Variants in ASCC1 observed in about 807,000 individuals in gnomAD.
The protein encoded by ASCC1 is activating signal cointegrator 1 complex subunit 1.
Under a neutral mutation model 46.6 loss-of-function variants are expected in ASCC1, and 35 were observed. That is an observed-to-expected ratio of 0.75 (90% CI 0.57 to 0.99). The LOEUF (loss-of-function observed/expected upper bound fraction) is 0.99, where lower values mean the gene tolerates loss of function less well. Ranked by LOEUF, ASCC1 falls within the 50% of genes least tolerant of loss-of-function variation. The probability of loss-of-function intolerance (pLI) is 0.00; values close to 1 mark genes in which losing one functional copy is unlikely to be tolerated. For missense variants in ASCC1, 376 were observed against 428.7 expected (o/e 0.88, Z 1.09); for synonymous variants, 143 against 146.6 (o/e 0.98, Z 0.18).
intron 9 of ASCC1, among the ~76,000 whole-genome samples, chr10:72,116,879 G>C (rs1843551183): frequency 6.6e-6 from 1 of 152,138 alleles, no homozygotes; most frequent in Non-Finnish European, 1.5e-5. Flanking sequence ...GATCACTTAA[G>C]CTCAGAAGTT....
chr10:72,170,593 C>CAA lies in ASCC1; in HGVS notation c.490-8921_490-8920dup, dbSNP rs1038487604. Among the ~76,000 whole-genome samples the CAA allele has an allele frequency of 7.7e-4, 45 of 58,800 alleles. No homozygotes were observed. In the South Asian group the frequency reaches 0.012, roughly 15 times the overall value. 38.6% of individuals were successfully genotyped at this position (58,800 alleles called of 152,430 possible). On this transcript the variant is annotated intron_variant, in intron 5 of 9. Coordinates refer to ENST00000672957, the MANE Select transcript of ASCC1 (RefSeq NM_001198800.3). ...GTGACAGCAGAGTGAGACTGTATCT[C>CAA]AAAAAAAAAAAAAAAAAAAAGAAAG... is the stretch of plus-strand genomic sequence containing the variant.
chr10:72,181,157 G>A (rs1852555041), intron 5 of ASCC1, among the ~76,000 whole-genome samples: 1 of 152,058 alleles, frequency 6.6e-6, no homozygotes, highest in Non-Finnish European at 1.5e-5. Flanking sequence ...GTGGAGACAG[G>A]GTTTTACCAC....
chr10:72,182,165 C>T (rs1304436254), intron 5 of ASCC1, among the ~76,000 whole-genome samples: 2 of 152,178 alleles, frequency 1.3e-5, no homozygotes, highest in Non-Finnish European at 2.9e-5. Flanking sequence ...TAACAACATA[C>T]AGACCAAAGT....
intron 9 of ASCC1, among the ~76,000 whole-genome samples, chr10:72,119,545 T>C (rs1273538055): frequency 1.3e-5 from 2 of 151,830 alleles, no homozygotes. Context: ...GAAGCATAGG[T>C]GATATTCACA....
At chr10:72,161,501 G>T (rs764273348) in intron 6 of ASCC1, 37 bp downstream of exon 6, 7 of 1,613,806 alleles carry the variant, frequency 4.3e-6, no homozygotes, top group Non-Finnish European at 5.9e-6. Context: ...GCCAGCCCAG[G>T]TAGACCACCC....
At chr10:72,128,765 T>C (rs965346501) in intron 8 of ASCC1, among the ~76,000 whole-genome samples, 1 of 152,126 alleles carries the variant, frequency 6.6e-6, no homozygotes, top group Admixed American at 6.5e-5. Flanking sequence ...TAAGTTAATT[T>C]GGGTTGCATA....
At chr10:72,160,416 T>C (rs1050363765) in intron 6 of ASCC1, among the ~76,000 whole-genome samples, 1 of 152,148 alleles carries the variant, frequency 6.6e-6, no homozygotes, top group Non-Finnish European at 1.5e-5. Flanking sequence ...TAAAGGGAAA[T>C]AGGGGAAGAT....
chr10:72,199,768 C>G (rs1856229744), intron 4 of ASCC1, among the ~76,000 whole-genome samples: 1 of 152,124 alleles, frequency 6.6e-6, no homozygotes, highest in African/African-American at 2.4e-5. Flanking sequence ...CAGTCTCGCT[C>G]TGTCACCCAG....
intron 8 of ASCC1, among the ~76,000 whole-genome samples, chr10:72,130,894 A>T (rs186761507): frequency 1.8e-4 from 27 of 152,302 alleles, no homozygotes; most frequent in African/African-American, 6.0e-4. Context: ...TTCTGAAACA[A>T]TAAATTTAGA....
In ASCC1 at chr10:72,216,248, GGA is replaced by G. The variant is rs1859284810; in HGVS notation, c.-77_-76del. On this transcript the variant is annotated 5_prime_UTR_variant, in exon 1 of 10. Transcript: ENST00000672957. ...AATGGAGAAGGTAGGAGGAGAAACA[GGA>G]GACTGCTGCAGCAGACGTGCGATAG... 1 of 157,806 alleles carries G rather than the reference GGA, an allele frequency of 6.3e-6. No homozygotes were observed. The highest frequency in any genetic ancestry group is 1.4e-5 in the Non-Finnish European group (1 of 71,216). The allele number at this position is 157,806 out of a possible 1,614,324, so 9.8% of individuals were successfully genotyped here. A position where few individuals can be genotyped will look rare whatever the true frequency, so the allele number is the denominator to read the frequency against.
chr10:72,135,484 T>C (rs190956450), intron 7 of ASCC1, among the ~76,000 whole-genome samples: 12 of 152,240 alleles, frequency 7.9e-5, no homozygotes, highest in African/African-American at 2.4e-4. Context: ...GACAGGCATA[T>C]GCACAGAAGG....
At position 72,210,831 on chromosome 10, in the gene ASCC1, C is replaced by T. The variant is rs1857978083; in HGVS notation, c.113G>A (p.Gly38Asp). The change falls in exon 3 of 10, where the codon GGC becomes GAC. Residue 38 changes from glycine (G) to aspartate (D), a missense_variant and splice_region_variant. By Grantham distance (94) the Gly-to-Asp change is moderately conservative. Transcript: ENST00000672957. The part of the protein sequence containing the change: ...HEEDEEDFYQ[G>D]SMECADEPCD... ...GGGCTCATCAGCACACTCCATGGAG[C>T]CTGCACAGAAACCATCACATCTCAC... 6.2e-7 allele frequency: 1 copy of T among 1,613,376 alleles called. No individual in the cohort carries two copies. The highest frequency in any genetic ancestry group is 1.1e-5 in the South Asian group (1 of 91,028).
At chr10:72,150,392 G>C (rs1848187383) in intron 7 of ASCC1, among the ~76,000 whole-genome samples, 2 of 152,156 alleles carry the variant, frequency 1.3e-5, no homozygotes, top group Admixed American at 6.5e-5. Flanking sequence ...CCTGCCTAGA[G>C]AATCAGATTT....
At chr10:72,133,008 C>T in intron 8 of ASCC1, 49 bp downstream of exon 8, 3 of 1,613,050 alleles carry the variant, frequency 1.9e-6, no homozygotes, top group Non-Finnish European at 2.5e-6. Flanking sequence ...TCAGAGATGC[C>T]ACAAGGCCGC....
intron 8 of ASCC1, among the ~76,000 whole-genome samples, chr10:72,130,805 G>T (rs1003112696): frequency 3.3e-5 from 5 of 152,168 alleles, no homozygotes; most frequent in African/African-American, 1.2e-4. Flanking sequence ...AACCCCATGT[G>T]TCTAGTGGCT....
upstream of ASCC1, among the ~76,000 whole-genome samples, chr10:72,216,536 G>A (rs1381504418): frequency 6.9e-6 from 1 of 144,524 alleles, no homozygotes; most frequent in Admixed American, 7.5e-5. Context: ...TTGTAATCCA[G>A]CTGTTTTGAA....
chr10:72,121,109 C>G (rs537564174), intron 9 of ASCC1, among the ~76,000 whole-genome samples: 1 of 151,906 alleles, frequency 6.6e-6, no homozygotes, highest in African/African-American at 2.4e-5. Context: ...AATAAAGCAG[C>G]CAAACAATAT....
rs935690954 is a variant in ASCC1 at position 72,203,024 on chromosome 10, C to T, written c.310+403G>A. Among the ~76,000 whole-genome samples the T allele has an allele frequency of 2.0e-5, 3 of 152,028 alleles. No individual in the cohort carries two copies. In the East Asian group the frequency reaches 5.8e-4, roughly 29 times the overall value. On this transcript the variant is annotated intron_variant, in intron 4 of 9. Coordinates refer to ENST00000672957, the MANE Select transcript of ASCC1 (RefSeq NM_001198800.3). ...ATAGCTGGCCGGGCACGGTGGCTCA[C>T]GTCTATAATCCCAACACTTTGGGAG...
chr10:72,123,814 G>A lies in ASCC1; in HGVS notation c.957+4268C>T, dbSNP rs548891170. 9.9e-5 allele frequency among the ~76,000 whole-genome samples: 15 copies of A among 152,234 alleles called. No individual in the cohort carries two copies. The South Asian group carries it at 1.9e-3, about 19-fold the overall frequency. On this transcript the variant is annotated intron_variant, in intron 9 of 9. Coordinates refer to ENST00000672957, the MANE Select transcript of ASCC1 (RefSeq NM_001198800.3). ...GGACAGACTGACTAAAGAGTCTCCC[G>A]GGAGGAGCATGGGAGGCAGGCTCCA...
Sources: gnomAD v4.1 joint callset for allele counts (sites outside exome capture counted in the v4.1 genomes callset) on GRCh38, gnomAD v4.1.1 for gene constraint, MANE v1.5 for transcripts, NCBI Gene and HGNC (gene_info 2026-07-23, HGNC 2026-07-21) for gene names.